RAD54B: variants seen among roughly 807,000 people sequenced by gnomAD.
RAD54B encodes the protein RAD54 homolog B.
Under a neutral mutation model 95.8 loss-of-function variants are expected in RAD54B, and 78 were observed. The observed-to-expected ratio is 0.81, with a 90% CI of 0.68 to 0.98. RAD54B has a LOEUF of 0.98. Ranked by LOEUF, RAD54B falls within the 50% of genes least tolerant of loss-of-function variation. The pLI, the probability that RAD54B is intolerant of heterozygous loss-of-function variation, is 0.00. For synonymous variants in RAD54B, 328 were observed against 354.9 expected (o/e 0.92, Z 0.85); for missense variants, 957 against 1,056.6 (o/e 0.91, Z 1.31).
chr8:94,418,046 C>A (rs963145316), intron 3 of RAD54B, among the ~76,000 whole-genome samples: 2 of 152,218 alleles, frequency 1.3e-5, no homozygotes, highest in African/African-American at 4.8e-5. Flanking sequence ...TCTGACCTTC[C>A]TTCCCTAATG....
At chr8:94,400,534 C>G in intron 6 of RAD54B, 71 bp from the exon 7 acceptor site, 1 of 1,249,612 alleles carries the variant, frequency 8.0e-7, no homozygotes, top group Non-Finnish European at 1.1e-6. Context: ...TCATCAAGAA[C>G]CAGAAACTGA....
chr8:94,378,511 A>C (rs1015199562), intron 13 of RAD54B, 57 bp downstream of exon 13: 2 of 1,500,428 alleles, frequency 1.3e-6, no homozygotes, highest in Admixed American at 2.0e-5. Flanking sequence ...AGGCTAACAA[A>C]AAATAATTTT....
At chr8:94,409,668 G>A (rs537353667) in intron 4 of RAD54B, among the ~76,000 whole-genome samples, 6 of 152,078 alleles carry the variant, frequency 3.9e-5, no homozygotes, top group Non-Finnish European at 8.8e-5. Context: ...ACCCTTAAAA[G>A]CACCTCAGAT....
intron 3 of RAD54B, among the ~76,000 whole-genome samples, chr8:94,441,367 TG>T (rs1358412648): frequency 6.6e-6 from 1 of 152,144 alleles, no homozygotes; most frequent in Non-Finnish European, 1.5e-5. Flanking sequence ...AGCTTCAAGT[TG>T]GGGTTCCCAC....
rs1811519857 is a variant in RAD54B, at chr8:94,411,216, T to G, written c.404A>C (p.Lys135Thr). 1.2e-6 allele frequency: 2 copies of G among 1,612,152 alleles called. No individual in the cohort carries two copies. The highest frequency in any genetic ancestry group is 1.7e-6 in the Non-Finnish European group (2 of 1,179,230). ...YFSVVWCKPSKKKHKKWEGDA... is the reference protein window; with the variant it reads ...YFSVVWCKPSTKKHKKWEGDA... ...ACCTTCCCACTTTTTATGTTTTTTC[T>G]TTGAAGGCTTACACCAAACAACACT... is the stretch of plus-strand genomic sequence containing the variant. Residue 135 changes from lysine to threonine, a missense_variant, in exon 4 of 15, where the codon AAG becomes ACG. Coordinates refer to ENST00000336148, the MANE Select transcript of RAD54B (RefSeq NM_012415.3).
Position 94,428,154 on chromosome 8 carries a change from T to TA in RAD54B, c.305-16840dup, listed in dbSNP as rs371509581. On this transcript the variant is annotated intron_variant, in intron 3 of 14. Coordinates refer to ENST00000336148, the MANE Select transcript of RAD54B (RefSeq NM_012415.3). The stretch of plus-strand genomic sequence containing the variant: ...GATAGGAAAGTGGCTATCCACTATC[T>TA]AAATTACTAATATATTGGATGAAAT... 3.6e-6 allele frequency: 3 copies of TA among 841,390 alleles called. No homozygotes were observed. In the African/African-American group the frequency reaches 5.5e-5, roughly 16 times the overall value. 52.1% of individuals were successfully genotyped at this position (841,390 alleles called of 1,614,324 possible).
At chr8:94,422,819 T>C (rs1811856517) in intron 3 of RAD54B, among the ~76,000 whole-genome samples, 1 of 147,086 alleles carries the variant, frequency 6.8e-6, no homozygotes, top group African/African-American at 2.5e-5. Context: ...AATTAGTCAA[T>C]ATTTTCATAA....
rs762276266 is a variant in RAD54B, at chr8:94,432,159, T to C, written c.305-20844A>G. 11 of 1,549,952 alleles carry C rather than the reference T, an allele frequency of 7.1e-6. No individual in the cohort carries two copies. The South Asian group carries it at 1.3e-4, about 18-fold the overall frequency. Reference sequence around the variant, plus strand: ...GAGACTGTTATATTCAGGTAGATCATGCCGTAAGCGAATTGCTTTCAGCTT... The same window carrying C: ...GAGACTGTTATATTCAGGTAGATCACGCCGTAAGCGAATTGCTTTCAGCTT... On this transcript the variant is annotated intron_variant, in intron 3 of 14. Transcript: ENST00000336148.
At chr8:94,450,176 T>C (rs1414279347) in intron 3 of RAD54B, among the ~76,000 whole-genome samples, 2 of 152,230 alleles carry the variant, frequency 1.3e-5, no homozygotes, top group Non-Finnish European at 2.9e-5. Flanking sequence ...ATATTCAATA[T>C]CTGATTCCTT....
intron 3 of RAD54B, among the ~76,000 whole-genome samples, chr8:94,453,215 A>G (rs1271107397): frequency 6.6e-6 from 1 of 152,194 alleles, no homozygotes; most frequent in Non-Finnish European, 1.5e-5. Flanking sequence ...ACATCCACAC[A>G]GTGGAATTAG....
intron 3 of RAD54B, among the ~76,000 whole-genome samples, chr8:94,415,003 T>C (rs1219456900): frequency 2.0e-5 from 3 of 151,988 alleles, no homozygotes; most frequent in East Asian, 3.9e-4. Flanking sequence ...CTTCACAGAA[T>C]TGGAAAAAAC....
At chr8:94,409,048 A>T (rs910545190) in intron 4 of RAD54B, among the ~76,000 whole-genome samples, 6 of 151,760 alleles carry the variant, frequency 4.0e-5, no homozygotes, top group Middle Eastern at 3.4e-3. Flanking sequence ...ACTGAGCCTG[A>T]TGCATTATCA....
At chr8:94,470,407 T>TC (rs1813141048) in intron 1 of RAD54B, among the ~76,000 whole-genome samples, 1 of 152,066 alleles carries the variant, frequency 6.6e-6, no homozygotes, top group Non-Finnish European at 1.5e-5. Flanking sequence ...ACCAGCCTCA[T>TC]CAACATGGAG....
intron 6 of RAD54B, among the ~76,000 whole-genome samples, chr8:94,401,469 CT>C (rs1811267485): frequency 6.6e-6 from 1 of 151,948 alleles, no homozygotes; most frequent in Non-Finnish European, 1.5e-5. Context: ...TTTTTTCTGG[CT>C]TTCTTGTAAA....
intron 2 of RAD54B, among the ~76,000 whole-genome samples, chr8:94,460,361 C>T (rs1812874958): frequency 1.3e-5 from 2 of 152,050 alleles, no homozygotes; most frequent in Non-Finnish European, 2.9e-5. Flanking sequence ...GTCCCAGATA[C>T]TTTGAACACT....
intron 2 of RAD54B, among the ~76,000 whole-genome samples, chr8:94,458,978 T>C (rs1388384905): frequency 6.6e-6 from 1 of 152,218 alleles, no homozygotes; most frequent in Non-Finnish European, 1.5e-5. Context: ...AAAATTATGC[T>C]TATAATTATA....
intron 11 of RAD54B, among the ~76,000 whole-genome samples, chr8:94,384,359 A>G (rs1274953315): frequency 6.6e-6 from 1 of 152,200 alleles, no homozygotes; most frequent in East Asian, 1.9e-4. Flanking sequence ...ACATGGATAA[A>G]CCTGGAGGAC....
chr8:94,474,384 G>T (rs116534204), intron 1 of RAD54B, among the ~76,000 whole-genome samples: 2,160 of 152,186 alleles, frequency 0.014, 46 homozygotes, highest in African/African-American at 0.048. Flanking sequence ...TAATTTTTTT[G>T]ATAACAAAAG....
In RAD54B at chr8:94,442,349, G is replaced by A. The variant is rs10086814; in HGVS notation, c.304+15919C>T. On this transcript the variant is annotated intron_variant, in intron 3 of 14. Coordinates refer to ENST00000336148, the MANE Select transcript of RAD54B (RefSeq NM_012415.3). ...AGCACTTTGGGAGGCCAAGGTGGGC[G>A]GATCACAAGGTCAGGAATCAAGACC... is the stretch of plus-strand genomic sequence containing the variant. Among the ~76,000 whole-genome samples the A allele has an allele frequency of 7.4e-3, 884 of 118,852 alleles. 12 individuals are homozygous for A. Among genetic ancestry groups the A allele is most frequent in the African/African-American group, 0.024 (786 of 32,776 alleles). The allele number at this position is 118,852 out of a possible 152,430, so 78.0% of individuals were successfully genotyped here.
Sources: allele counts gnomAD v4.1 joint callset (sites outside exome capture counted in the v4.1 genomes callset), GRCh38; gene constraint gnomAD v4.1.1; transcripts MANE v1.5; gene names NCBI Gene and HGNC (gene_info 2026-07-23, HGNC 2026-07-21).